GADD45GIP1: variants seen among roughly 807,000 people sequenced by gnomAD.
The protein encoded by GADD45GIP1 is large ribosomal subunit protein mL64.
GADD45GIP1 carries 17 observed loss-of-function variants against 22.1 expected under a neutral mutation model. The observed-to-expected ratio is 0.77, with a 90% CI of 0.53 to 1.15. The LOEUF (loss-of-function observed/expected upper bound fraction) is 1.15, where lower values mean the gene tolerates loss of function less well. GADD45GIP1 is among the 50% of genes most tolerant of loss of function. The pLI is 0.00. For missense variants in GADD45GIP1, 294 were observed against 314.0 expected, an observed-to-expected ratio of 0.94 and a Z score of 0.48; for synonymous variants, 135 against 138.4, an observed-to-expected ratio of 0.98 and a Z score of 0.17.
In GADD45GIP1 at chr19:12,953,177, A is replaced by G; in HGVS notation, c.*1031T>C. On this transcript the variant is annotated 3_prime_UTR_variant, in exon 2 of 2. Transcript: ENST00000316939. ...AAAAAAAATCAAAAATCTTAAAAAA[A>G]CAAGCAAACAGTCCAGCTTCCTGTC... 1.5e-6 allele frequency: 1 copy of G among 682,158 alleles called. No homozygotes were observed. Among genetic ancestry groups the G allele is most frequent in the Non-Finnish European group, 2.3e-6 (1 of 433,500 alleles). 42.3% of individuals were successfully genotyped at this position (682,158 alleles called of 1,614,324 possible). A position where few individuals can be genotyped will look rare whatever the true frequency, so the allele number is the denominator to read the frequency against.
At chr19:12,955,915 C>G (rs576321651) in intron 1 of GADD45GIP1, among the ~76,000 whole-genome samples, 129 of 152,290 alleles carry the variant, frequency 8.5e-4, no homozygotes, top group African/African-American at 2.8e-3. Flanking sequence ...GCCTCTGTAT[C>G]TGACCTCTGC....
Position 12,954,414 on chromosome 19 carries a change from G to A in GADD45GIP1, c.463C>T (p.Arg155Ter), listed in dbSNP as rs1329450675. Residue 155 changes from arginine to a stop codon, truncating the protein, a stop_gained, in exon 2 of 2, where the codon CGA becomes TGA. Coordinates refer to ENST00000316939, the MANE Select transcript of GADD45GIP1 (RefSeq NM_052850.4). LOFTEE classifies it high-confidence loss of function. ...KAQADKERRA[R>*]LQAEAQELLG... is the part of the protein sequence containing the mutation. ...AGCTCCTGGGCCTCAGCCTGCAGTC[G>A]GGCCCTCCTCTCCTTGTCAGCCTGG... 9.3e-6 allele frequency: 15 copies of A among 1,614,018 alleles called. No individual in the cohort carries two copies. The highest frequency in any genetic ancestry group is 1.7e-5 in the Admixed American group (1 of 59,998).
In GADD45GIP1 at chr19:12,957,077, G is replaced by A. The variant is rs747722304; in HGVS notation, c.136C>T (p.Leu46=). The A allele has an allele frequency of 8.4e-6, 13 of 1,548,044 alleles. No homozygotes were observed. The South Asian group carries it at 1.4e-4, about 17-fold the overall frequency. The part of the protein sequence containing the change: ...GPRWPDPEDL[L]TPRWQLGPRY... ...GGTCCCAGCTGCCACCGCGGGGTCAGGAGGTCCTCGGGGTCTGGCCACCGG... is the reference window on the plus strand; with the variant it reads ...GGTCCCAGCTGCCACCGCGGGGTCAAGAGGTCCTCGGGGTCTGGCCACCGG... Residue 46 remains leucine (L), a synonymous_variant, in exon 1 of 2, where the codon CTG becomes TTG. Transcript: ENST00000316939.
At position 12,954,423 on chromosome 19, in the gene GADD45GIP1, T is replaced by C; in HGVS notation, c.454A>G (p.Arg152Gly). Residue 152 changes from arginine to glycine, a missense_variant, in exon 2 of 2, where the codon AGG (arginine) becomes GGG (glycine). Physicochemically the swap from Arg to Gly is moderately radical, Grantham distance 125. Transcript: ENST00000316939. ...NWEKAQADKE[R>G]RARLQAEAQE... ...GCCTCAGCCTGCAGTCGGGCCCTCCTCTCCTTGTCAGCCTGGGCCTTCTCC... is the reference window on the plus strand; with the variant it reads ...GCCTCAGCCTGCAGTCGGGCCCTCCCCTCCTTGTCAGCCTGGGCCTTCTCC... The C allele has an allele frequency of 6.2e-7, 1 of 1,613,996 alleles. No individual in the cohort carries two copies. The highest frequency in any genetic ancestry group is 1.1e-5 in the South Asian group (1 of 91,052).
chr19:12,955,353 G>A (rs1354709395), intron 1 of GADD45GIP1, among the ~76,000 whole-genome samples: 1 of 152,194 alleles, frequency 6.6e-6, no homozygotes, highest in South Asian at 2.1e-4. Context: ...TCTGGCTGAG[G>A]AGGGGCAGAA....
Position 12,954,346 on chromosome 19 carries a change from C to T in GADD45GIP1, c.531G>A (p.Glu177=). ...CCTTCTTCTCTAGGTCCTGGAGCAG[C>T]TCCTGGAAGCGGGCACTCCTTGGGT... ...QVDPRSARFQ[E]LLQDLEKKER... is the part of the protein sequence containing the mutation. The change falls in exon 2 of 2, where the codon GAG becomes GAA. Residue 177 remains glutamate (E), a synonymous_variant. Transcript: ENST00000316939. 1 of 1,614,144 alleles carries T rather than the reference C, an allele frequency of 6.2e-7. No homozygotes were observed. The highest frequency in any genetic ancestry group is 2.2e-5 in the East Asian group (1 of 44,878).
Position 12,954,514 on chromosome 19 carries a change from G to A in GADD45GIP1, c.363C>T (p.Ile121=), listed in dbSNP as rs751451604. 8 of 1,612,898 alleles carry A rather than the reference G, an allele frequency of 5.0e-6. No homozygotes were observed. The highest frequency in any genetic ancestry group is 2.7e-5 in the African/African-American group (2 of 75,036). ...GTGGCATCTTGGCCATGCACTCTGC[G>A]ATGTGCTGCTCCCTGCAGGGGAGGG... is the stretch of plus-strand genomic sequence containing the variant. ...EQKRREREQH[I]AECMAKMPQM... Residue 121 remains isoleucine (I), a synonymous_variant, in exon 2 of 2, where the codon ATC becomes ATT. Transcript: ENST00000316939.
intron 1 of GADD45GIP1, among the ~76,000 whole-genome samples, chr19:12,955,586 G>T (rs868835092): frequency 1.1e-4 from 16 of 150,796 alleles, no homozygotes; most frequent in African/African-American, 2.9e-4. Context: ...CTGGCCCGAC[G>T]CGGTGGCTCA....
At chr19:12,955,029 T>C (rs916212376) in intron 1 of GADD45GIP1, among the ~76,000 whole-genome samples, 12 of 152,168 alleles carry the variant, frequency 7.9e-5, no homozygotes, top group Admixed American at 7.9e-4. Context: ...CATGGGGTTT[T>C]TTTGTACAGA....
At chr19:12,955,486 G>A (rs1473450839) in intron 1 of GADD45GIP1, among the ~76,000 whole-genome samples, 1 of 152,070 alleles carries the variant, frequency 6.6e-6, no homozygotes, top group African/African-American at 2.4e-5. Flanking sequence ...AGGCTATTAG[G>A]AAAACAAGAA....
In GADD45GIP1 at chr19:12,953,407, C is replaced by G. The variant is rs11558953; in HGVS notation, c.*801G>C. 0.025 allele frequency: 4,180 copies of G among 165,944 alleles called. 195 individuals carry two copies. The highest frequency in any genetic ancestry group is 0.093 in the African/African-American group (3,889 of 41,942). 10.3% of individuals were successfully genotyped at this position (165,944 alleles called of 1,614,324 possible). On this transcript the variant is annotated 3_prime_UTR_variant, in exon 2 of 2. Transcript: ENST00000316939. ...CCGAAAAACCCCTGAGGACCCCCCCCCATCCTCTTCTAGGATGAGGGGAAG... is the reference window on the plus strand; with the variant it reads ...CCGAAAAACCCCTGAGGACCCCCCCGCATCCTCTTCTAGGATGAGGGGAAG...
At chr19:12,956,488 T>C (rs1223795036) in intron 1 of GADD45GIP1, among the ~76,000 whole-genome samples, 2 of 152,102 alleles carry the variant, frequency 1.3e-5, no homozygotes, top group African/African-American at 4.8e-5. Context: ...ACCCCGTCTC[T>C]ACTAAAACTA....
rs976971990 is a variant in GADD45GIP1 at position 12,957,162 on chromosome 19, G to A, written c.51C>T (p.Thr17=). 4.9e-6 allele frequency: 7 copies of A among 1,420,748 alleles called. No individual in the cohort carries two copies. Among genetic ancestry groups the A allele is most frequent in the African/African-American group, 3.0e-5 (2 of 66,416 alleles). 88.0% of individuals were successfully genotyped at this position (1,420,748 alleles called of 1,614,324 possible). A position where few individuals can be genotyped will look rare whatever the true frequency, so the allele number is the denominator to read the frequency against. ...GGTAGCCACGGGAACCCGGGGCCAG[G>A]GTCGCCGCCACACCTAGTAGGCTGC... The part of the protein sequence containing the change: ...QARSLLGVAA[T]LAPGSRGYRA... Residue 17 remains threonine, a synonymous_variant, in exon 1 of 2, where the codon ACC becomes ACT. Coordinates refer to ENST00000316939, the MANE Select transcript of GADD45GIP1 (RefSeq NM_052850.4).
chr19:12,956,346 G>A (rs1188149096), intron 1 of GADD45GIP1, among the ~76,000 whole-genome samples: 3 of 152,186 alleles, frequency 2.0e-5, no homozygotes, highest in African/African-American at 7.2e-5. Flanking sequence ...CACACGGTAT[G>A]CGCTCAGTAA....
intron 1 of GADD45GIP1, among the ~76,000 whole-genome samples, chr19:12,955,907 C>T (rs772757389): frequency 5.3e-5 from 8 of 152,144 alleles, no homozygotes; most frequent in Non-Finnish European, 1.2e-4. Flanking sequence ...TCAGACCTGC[C>T]TCTGTATCTG....
At chr19:12,954,826 T>C (rs1971903912) in intron 1 of GADD45GIP1, among the ~76,000 whole-genome samples, 1 of 152,206 alleles carries the variant, frequency 6.6e-6, no homozygotes, top group Non-Finnish European at 1.5e-5. Flanking sequence ...CATGGATAAT[T>C]TCACACCTTT....
At chr19:12,956,289 G>A (rs1651904458) in intron 1 of GADD45GIP1, among the ~76,000 whole-genome samples, 1 of 152,186 alleles carries the variant, frequency 6.6e-6, no homozygotes, top group African/African-American at 2.4e-5. Context: ...CCAAATAACT[G>A]GGATTACAGG....
intron 1 of GADD45GIP1, among the ~76,000 whole-genome samples, chr19:12,955,927 C>T (rs1049384702): frequency 1.2e-4 from 18 of 152,190 alleles, no homozygotes; most frequent in Non-Finnish European, 2.4e-4. Context: ...GACCTCTGCC[C>T]TCTTGGTTCC....
chr19:12,953,353 G>A lies in GADD45GIP1; in HGVS notation c.*855C>T, dbSNP rs556006629. Reference sequence around the variant, plus strand: ...CTGTCCCAGCTCTCTGCAGCCAGACGGAAAGGCGGCTGCTTGCCTCTCCAT... The same window carrying A: ...CTGTCCCAGCTCTCTGCAGCCAGACAGAAAGGCGGCTGCTTGCCTCTCCAT... On this transcript the variant is annotated 3_prime_UTR_variant, in exon 2 of 2. Coordinates refer to ENST00000316939, the MANE Select transcript of GADD45GIP1 (RefSeq NM_052850.4). 53 of 218,428 alleles carry A rather than the reference G, an allele frequency of 2.4e-4. No homozygotes were observed. The highest frequency in any genetic ancestry group is 9.8e-5 in the East Asian group (1 of 10,214). 13.5% of individuals were successfully genotyped at this position (218,428 alleles called of 1,614,324 possible).
Sources: allele counts gnomAD v4.1 joint callset (sites outside exome capture counted in the v4.1 genomes callset), GRCh38; gene constraint gnomAD v4.1.1; transcripts MANE v1.5; gene names NCBI Gene and HGNC (gene_info 2026-07-23, HGNC 2026-07-21).